CCDC171: variants seen among roughly 807,000 people sequenced by gnomAD.
The protein encoded by CCDC171 is coiled-coil domain-containing protein 171.
Under a neutral mutation model 168.2 loss-of-function variants are expected in CCDC171, and 177 were observed. The ratio of observed to expected loss-of-function variants is 1.05; its 90% confidence interval spans 0.93 to 1.19. The LOEUF (loss-of-function observed/expected upper bound fraction) is 1.19. Ranked by LOEUF, CCDC171 falls within the 50% of genes most tolerant of loss-of-function variation. The pLI, the probability that CCDC171 is intolerant of heterozygous loss-of-function variation, is 0.00. For missense variants in CCDC171, 1,991 were observed against 1,539.0 expected (o/e 1.29, Z -4.91); for synonymous variants, 687 against 540.8 (o/e 1.27, Z -3.75).
chr9:15,580,575 A>G lies in CCDC171; in HGVS notation c.352+1552A>G, dbSNP rs538152285. Among the ~76,000 whole-genome samples the G allele has an allele frequency of 5.9e-5, 9 of 152,244 alleles. No individual in the cohort carries two copies. In the East Asian group the frequency reaches 1.7e-3, roughly 29 times the overall value. On this transcript the variant is annotated intron_variant, in intron 4 of 25. Transcript: ENST00000380701. ...CCATCAAAAACTGGGCAAAGGACAT[A>G]TATAGACAATTCTTAAAAGAAGATA...
chr9:15,585,939 G>A (rs188027148), intron 4 of CCDC171, among the ~76,000 whole-genome samples: 1 of 152,210 alleles, frequency 6.6e-6, no homozygotes, highest in East Asian at 1.9e-4. Context: ...TCGTACCACT[G>A]CACTCTAGCC....
chr9:15,907,841 A>G (rs1439110409), intron 24 of CCDC171, among the ~76,000 whole-genome samples: 1 of 152,254 alleles, frequency 6.6e-6, no homozygotes, highest in Non-Finnish European at 1.5e-5. Context: ...AAAAGTGGGC[A>G]AAGGATATGA....
intron 16 of CCDC171, among the ~76,000 whole-genome samples, chr9:15,730,135 T>A (rs1199460184): frequency 1.3e-5 from 2 of 151,946 alleles, no homozygotes; most frequent in African/African-American, 2.4e-5. Context: ...TATTGTCAGT[T>A]TTAGTGTAGG....
At chr9:15,691,417 C>T (rs1409889036) in intron 10 of CCDC171, among the ~76,000 whole-genome samples, 1 of 149,702 alleles carries the variant, frequency 6.7e-6, no homozygotes, top group East Asian at 1.9e-4. Flanking sequence ...ATAAAACTTA[C>T]CTGTGAGAAT....
chr9:15,601,024 G>A (rs896559644), intron 6 of CCDC171, among the ~76,000 whole-genome samples: 2 of 152,182 alleles, frequency 1.3e-5, no homozygotes, highest in Non-Finnish European at 2.9e-5. Context: ...ATTTACAGGT[G>A]CCATCTGTCA....
intron 21 of CCDC171, among the ~76,000 whole-genome samples, chr9:15,820,538 C>G (rs1405858195): frequency 8.5e-6 from 1 of 117,288 alleles, no homozygotes. Flanking sequence ...TACAAACTAC[C>G]ATCAGAGACT....
At chr9:16,039,917 T>C (rs959855829), upstream of CCDC171, among the ~76,000 whole-genome samples, 2 of 151,950 alleles carry the variant, frequency 1.3e-5, no homozygotes, top group African/African-American at 2.4e-5. Flanking sequence ...AGGAAGGAGA[T>C]TGGACCGGAT....
At chr9:15,860,280 TTTA>T (rs1423121588) in intron 23 of CCDC171, among the ~76,000 whole-genome samples, 4 of 151,840 alleles carry the variant, frequency 2.6e-5, no homozygotes, top group African/African-American at 4.8e-5. Context: ...TGTTCTAATC[TTTA>T]TTATTTCCTT....
intron 18 of CCDC171, 85 bp downstream of exon 18, chr9:15,745,716 CAT>C (rs1476090713): frequency 1.8e-5 from 13 of 702,830 alleles, no homozygotes; most frequent in Non-Finnish European, 3.0e-5. Flanking sequence ...TCTAATAAAA[CAT>C]ATAGGGGGAA....
intron 6 of CCDC171, among the ~76,000 whole-genome samples, chr9:15,609,785 TA>T (rs1485247719): frequency 6.6e-6 from 1 of 152,200 alleles, no homozygotes; most frequent in Non-Finnish European, 1.5e-5. Flanking sequence ...TTATTCTTAA[TA>T]TTTTTTAGGG....
intron 23 of CCDC171, among the ~76,000 whole-genome samples, chr9:15,869,206 T>C (rs193097237): frequency 9.7e-4 from 148 of 152,138 alleles, no homozygotes; most frequent in Admixed American, 3.9e-3. Context: ...TTGGAGGTAC[T>C]AATTGTATTA....
chr9:15,832,265 T>C (rs1184441264), intron 21 of CCDC171, among the ~76,000 whole-genome samples: 1 of 152,212 alleles, frequency 6.6e-6, no homozygotes, highest in East Asian at 1.9e-4. Context: ...CTTATCCAGC[T>C]GTGGTTGGCA....
chr9:15,595,298 C>T (rs1452493008), intron 6 of CCDC171, among the ~76,000 whole-genome samples: 2 of 152,132 alleles, frequency 1.3e-5, no homozygotes, highest in Non-Finnish European at 2.9e-5. Flanking sequence ...TCCCTCCCCG[C>T]TCCCCTGACC....
At chr9:15,894,682 G>T (rs147946024) in intron 24 of CCDC171, among the ~76,000 whole-genome samples, 1,653 of 152,046 alleles carry the variant, frequency 0.011, 32 homozygotes, top group African/African-American at 0.038. Flanking sequence ...GAGGCTTTGT[G>T]CTTGGTGGTC....
chr9:15,971,006 A>G (rs1463527558), intron 25 of CCDC171, among the ~76,000 whole-genome samples: 1 of 152,110 alleles, frequency 6.6e-6, no homozygotes, highest in African/African-American at 2.4e-5. Flanking sequence ...AACCTAAAAT[A>G]ATAAAGTTGA....
chr9:15,850,040 T>C (rs1259591013), intron 23 of CCDC171, among the ~76,000 whole-genome samples: 3 of 151,992 alleles, frequency 2.0e-5, no homozygotes, highest in African/African-American at 7.2e-5. Context: ...CTAGTCAGTA[T>C]AGTTTAAATA....
At chr9:15,598,198 A>G (rs1410762550) in intron 6 of CCDC171, among the ~76,000 whole-genome samples, 1 of 151,914 alleles carries the variant, frequency 6.6e-6, no homozygotes, top group Non-Finnish European at 1.5e-5. Context: ...TAGCTTTTGA[A>G]TGTGTTTGCT....
chr9:16,080,150 C>T, the CCDC171 span, among the ~76,000 whole-genome samples: 2 of 152,182 alleles, frequency 1.3e-5, no homozygotes, highest in African/African-American at 2.4e-5. Context: ...AGCCTTTACC[C>T]TCTCAGGCAC....
intron 6 of CCDC171, among the ~76,000 whole-genome samples, chr9:15,608,806 A>AT (rs1338588225): frequency 2.7e-5 from 4 of 150,792 alleles, no homozygotes; most frequent in African/African-American, 7.3e-5. Flanking sequence ...AAAAGTATAT[A>AT]TATTAGCCAG....
Sources: gnomAD v4.1 joint callset for allele counts (sites outside exome capture counted in the v4.1 genomes callset) on GRCh38, gnomAD v4.1.1 for gene constraint, MANE v1.5 for transcripts, NCBI Gene and HGNC (gene_info 2026-07-23, HGNC 2026-07-21) for gene names.